The following INSM2 variants were observed in gnomAD, a reference collection of about 807,000 sequenced individuals.
INSM2 encodes insulinoma-associated protein 2.
INSM2 carries 12 observed loss-of-function variants against 30.5 expected under a neutral mutation model. The ratio of observed to expected loss-of-function variants is 0.39; its 90% CI spans 0.25 to 0.64. The LOEUF (loss-of-function observed/expected upper bound fraction) is 0.64, where lower values mean the gene tolerates loss of function less well. Ranked by LOEUF, INSM2 falls within the 30% of genes least tolerant of loss-of-function variation. The pLI, the probability that INSM2 is intolerant of heterozygous loss-of-function variation, is 0.47. For synonymous variants in INSM2, 418 were observed against 383.7 expected (o/e 1.09, Z -1.05); for missense variants, 773 against 819.2 (o/e 0.94, Z 0.69).
chr14:35,535,075 C>T lies in INSM2; in HGVS notation c.823C>T (p.Pro275Ser). 1 of 1,599,910 alleles carries T rather than the reference C, an allele frequency of 6.3e-7. No homozygotes were observed. The highest frequency in any genetic ancestry group is 8.5e-7 in the Non-Finnish European group (1 of 1,172,474). The change falls in exon 1 of 1, where the codon CCC becomes TCC. Residue 275 changes from proline (P) to serine (S), a missense_variant. By Grantham distance (74) the Pro-to-Ser change is moderately conservative (BLOSUM62 -1). Transcript: ENST00000307169. ...CQLCKEQYAD[P>S]FALAQHRCSR... ...GCTGTGCAAGGAGCAGTACGCAGAC[C>T]CCTTCGCGCTGGCCCAGCACCGCTG...
rs937318511 is a variant in INSM2, at chr14:35,536,111, G to C, written c.*158G>C. ...GTAGTCAATGTTCCACCAGAGGAGCGGACAGTGAAATGTAATATCCCTCTC... is the reference window on the plus strand; with the variant it reads ...GTAGTCAATGTTCCACCAGAGGAGCCGACAGTGAAATGTAATATCCCTCTC... On this transcript the variant is annotated 3_prime_UTR_variant, in exon 1 of 1. Transcript: ENST00000307169. 2.3e-5 allele frequency: 20 copies of C among 867,216 alleles called. No individual in the cohort carries two copies. The East Asian group carries it at 5.2e-4, about 23-fold the overall frequency. 53.7% of individuals were successfully genotyped at this position (867,216 alleles called of 1,614,324 possible).
rs368123342 is a variant in INSM2 at position 35,534,249 on chromosome 14, C to T, written c.-4C>T. ...TCTTGTCCCAGAGCGCTCTCGACTC[C>T]ACCATGCCAAGGGGATTCCTGGTGA... On this transcript the variant is annotated 5_prime_UTR_variant, in exon 1 of 1. Coordinates refer to ENST00000307169, the MANE Select transcript of INSM2 (RefSeq NM_032594.4). The T allele has an allele frequency of 1.0e-5, 16 of 1,589,406 alleles. No homozygotes were observed. The African/African-American group carries it at 1.8e-4, about 18-fold the overall frequency.
Position 35,535,695 on chromosome 14 carries a change from A to G in INSM2, c.1443A>G (p.Thr481=), listed in dbSNP as rs758768376. 1.2e-6 allele frequency: 2 copies of G among 1,613,260 alleles called. No individual in the cohort carries two copies. Among genetic ancestry groups the G allele is most frequent in the Admixed American group, 1.7e-5 (1 of 60,036 alleles). Residue 481 remains threonine, a synonymous_variant, in exon 1 of 1, where the codon ACA becomes ACG. Transcript: ENST00000307169. Reference sequence around the variant, plus strand: ...CATTGTGCGGAGCGCACTTCCCTACAGCAGATATCAGGGAGAAGCACCGGC... The same window carrying G: ...CATTGTGCGGAGCGCACTTCCCTACGGCAGATATCAGGGAGAAGCACCGGC... The part of the protein sequence containing the change: ...ACPLCGAHFP[T]ADIREKHRLW...
In INSM2 at chr14:35,534,287, G is replaced by A. The variant is rs2053577261; in HGVS notation, c.35G>A (p.Arg12Gln). 1 of 1,594,974 alleles carries A rather than the reference G, an allele frequency of 6.3e-7. No individual in the cohort carries two copies. Among genetic ancestry groups the A allele is most frequent in the Non-Finnish European group, 8.5e-7 (1 of 1,171,518 alleles). ...GGATTCCTGGTGAAGCGAACTAAACGGACAGGCGGCTTGTACCGAGTTCGC... is the reference window on the plus strand; with the variant it reads ...GGATTCCTGGTGAAGCGAACTAAACAGACAGGCGGCTTGTACCGAGTTCGC... ...PRGFLVKRTK[R>Q]TGGLYRVRLA... Residue 12 changes from arginine to glutamine, a missense_variant, in exon 1 of 1, where the codon CGG becomes CAG. Transcript: ENST00000307169.
Position 35,536,003 on chromosome 14 carries a change from C to G in INSM2, c.*50C>G. ...GAGGTTGGCCTTAGAGGAAACAGAT[C>G]ATGGGAATTTCTGTGGGGCTTTCTT... On this transcript the variant is annotated 3_prime_UTR_variant, in exon 1 of 1. Coordinates refer to ENST00000307169, the MANE Select transcript of INSM2 (RefSeq NM_032594.4). 4 of 1,524,450 alleles carry G rather than the reference C, an allele frequency of 2.6e-6. No individual in the cohort carries two copies. The highest frequency in any genetic ancestry group is 3.5e-6 in the Non-Finnish European group (4 of 1,138,310). 94.4% of individuals were successfully genotyped at this position (1,524,450 alleles called of 1,614,324 possible).
Position 35,535,679 on chromosome 14 carries a change from GAGCGCACTTCCCTACAGC to G in INSM2, c.1430_1447del (p.Ala477_Ala482del). The G allele has an allele frequency of 6.2e-7, 1 of 1,613,292 alleles. No individual in the cohort carries two copies. The highest frequency in any genetic ancestry group is 2.2e-5 in the East Asian group (1 of 44,892). On this transcript the variant is annotated inframe_deletion, in exon 1 of 1. Coordinates refer to ENST00000307169, the MANE Select transcript of INSM2 (RefSeq NM_032594.4). ...CTTGCCTTCGCTTGCCCATTGTGCG[GAGCGCACTTCCCTACAGC>G]AGATATCAGGGAGAAGCACCGGCTG...
In INSM2 at chr14:35,536,149, G is replaced by GTA; in HGVS notation, c.*200_*201dup. 1 of 620,538 alleles carries GTA rather than the reference G, an allele frequency of 1.6e-6. No individual in the cohort carries two copies. The highest frequency in any genetic ancestry group is 2.9e-5 in the East Asian group (1 of 34,478). The allele number at this position is 620,538 out of a possible 1,614,324, so 38.4% of individuals were successfully genotyped here. A position where few individuals can be genotyped will look rare whatever the true frequency, so the allele number is the denominator to read the frequency against. On this transcript the variant is annotated 3_prime_UTR_variant, in exon 1 of 1. Coordinates refer to ENST00000307169, the MANE Select transcript of INSM2 (RefSeq NM_032594.4). The stretch of plus-strand genomic sequence containing the variant: ...TAATATCCCTCTCTAGAGCAGGTAT[G>GTA]TATATGGTATAAACCTTGAGATCAA...
In INSM2 at chr14:35,535,718, G is replaced by A. The variant is rs1394514572; in HGVS notation, c.1466G>A (p.Arg489Gln). ...ACAGCAGATATCAGGGAGAAGCACCGGCTGTGGCATGCTGTCCGCGAGGAG... is the reference window on the plus strand; with the variant it reads ...ACAGCAGATATCAGGGAGAAGCACCAGCTGTGGCATGCTGTCCGCGAGGAG... ...FPTADIREKH[R>Q]LWHAVREELL... Residue 489 changes from arginine to glutamine, a missense_variant, in exon 1 of 1, where the codon CGG (arginine) becomes CAG (glutamine). Arg to Gln is a conservative substitution (Grantham distance 43, BLOSUM62 1). Transcript: ENST00000307169. 1.9e-6 allele frequency: 3 copies of A among 1,613,262 alleles called. No individual in the cohort carries two copies. The highest frequency in any genetic ancestry group is 1.7e-6 in the Non-Finnish European group (2 of 1,180,002).
chr14:35,534,580 C>A lies in INSM2; in HGVS notation c.328C>A (p.Pro110Thr). The A allele has an allele frequency of 7.0e-7, 1 of 1,434,624 alleles. No individual in the cohort carries two copies. Among genetic ancestry groups the A allele is most frequent in the Non-Finnish European group, 9.1e-7 (1 of 1,104,106 alleles). The allele number at this position is 1,434,624 out of a possible 1,614,324, so 88.9% of individuals were successfully genotyped here. The part of the protein sequence containing the change: ...EGPGPSPSPS[P>T]SPAKPAGAEL... ...TCCCGGGCCCAGCCCCAGCCCCAGC[C>A]CCAGTCCAGCGAAGCCGGCAGGCGC... Residue 110 changes from proline (P) to threonine (T), a missense_variant, in exon 1 of 1, where the codon CCC (proline) becomes ACC (threonine). By Grantham distance (38) the Pro-to-Thr change is conservative (BLOSUM62 -1). Transcript: ENST00000307169.
In INSM2 at chr14:35,534,177, T is replaced by G; in HGVS notation, c.-76T>G. On this transcript the variant is annotated 5_prime_UTR_variant, in exon 1 of 1. Transcript: ENST00000307169. The stretch of plus-strand genomic sequence containing the variant: ...CATGACAGCCGCGGCGAAGCTCTTC[T>G]AGTTCATCTGCTGGCCGGCTCTCAG... The G allele has an allele frequency of 6.6e-7, 1 of 1,519,056 alleles. No homozygotes were observed. The highest frequency in any genetic ancestry group is 8.8e-7 in the Non-Finnish European group (1 of 1,141,130). 94.1% of individuals were successfully genotyped at this position (1,519,056 alleles called of 1,614,324 possible).
In INSM2 at chr14:35,536,022, C is replaced by T; in HGVS notation, c.*69C>T. On this transcript the variant is annotated 3_prime_UTR_variant, in exon 1 of 1. Transcript: ENST00000307169. ...ACAGATCATGGGAATTTCTGTGGGG[C>T]TTTCTTCAACTTGCAAGTTTACTTT... is the stretch of plus-strand genomic sequence containing the variant. The T allele has an allele frequency of 6.7e-7, 1 of 1,493,012 alleles. No homozygotes were observed. Among genetic ancestry groups the T allele is most frequent in the Non-Finnish European group, 9.0e-7 (1 of 1,112,538 alleles). 92.5% of individuals were successfully genotyped at this position (1,493,012 alleles called of 1,614,324 possible). A position where few individuals can be genotyped will look rare whatever the true frequency, so the allele number is the denominator to read the frequency against.
At position 35,534,306 on chromosome 14, in the gene INSM2, A is replaced by C; in HGVS notation, c.54A>C (p.Arg18=). 6.3e-7 allele frequency: 1 copy of C among 1,594,658 alleles called. No individual in the cohort carries two copies. The highest frequency in any genetic ancestry group is 1.4e-5 in the African/African-American group (1 of 71,948). ...KRTKRTGGLY[R]VRLAERVFPL... The stretch of plus-strand genomic sequence containing the variant: ...CTAAACGGACAGGCGGCTTGTACCG[A>C]GTTCGCCTTGCGGAGCGTGTCTTCC... The change falls in exon 1 of 1, where the codon CGA becomes CGC. Residue 18 remains arginine (R), a synonymous_variant. Coordinates refer to ENST00000307169, the MANE Select transcript of INSM2 (RefSeq NM_032594.4).
In INSM2 at chr14:35,535,683, G is replaced by C; in HGVS notation, c.1431G>C (p.Ala477=). 5.0e-6 allele frequency: 8 copies of C among 1,613,280 alleles called. No homozygotes were observed. Among genetic ancestry groups the C allele is most frequent in the Non-Finnish European group, 5.9e-6 (7 of 1,180,028 alleles). ...CCTTCGCTTGCCCATTGTGCGGAGC[G>C]CACTTCCCTACAGCAGATATCAGGG... ...PLAFACPLCG[A]HFPTADIREK... The change falls in exon 1 of 1, where the codon GCG becomes GCC. Residue 477 remains alanine (A), a synonymous_variant. Transcript: ENST00000307169.
Position 35,534,721 on chromosome 14 carries a change from G to T in INSM2, c.469G>T (p.Ala157Ser). 1 of 1,391,724 alleles carries T rather than the reference G, an allele frequency of 7.2e-7. No individual in the cohort carries two copies. Among genetic ancestry groups the T allele is most frequent in the Non-Finnish European group, 9.3e-7 (1 of 1,080,450 alleles). The allele number at this position is 1,391,724 out of a possible 1,614,324, so 86.2% of individuals were successfully genotyped here. A position where few individuals can be genotyped will look rare whatever the true frequency, so the allele number is the denominator to read the frequency against. The change falls in exon 1 of 1, where the codon GCA (alanine) becomes TCA (serine). Residue 157 changes from alanine (A) to serine (S), a missense_variant. Physicochemically the swap from Ala to Ser is moderately conservative, Grantham distance 99. Transcript: ENST00000307169. ...AFSCSVAPAA[A>S]PTPGEQFLLP... is the part of the protein sequence containing the mutation. ...CTCCTGCTCCGTGGCGCCAGCAGCC[G>T]CACCGACCCCGGGGGAGCAGTTTCT...
chr14:35,534,267 C>G lies in INSM2; in HGVS notation c.15C>G (p.Phe5Leu), dbSNP rs766044720. 1 of 1,595,330 alleles carries G rather than the reference C, an allele frequency of 6.3e-7. No homozygotes were observed. The highest frequency in any genetic ancestry group is 8.5e-7 in the Non-Finnish European group (1 of 1,171,770). The change falls in exon 1 of 1, where the codon TTC becomes TTG. Residue 5 changes from phenylalanine to leucine, a missense_variant. Phe to Leu is a conservative substitution (Grantham distance 22). Transcript: ENST00000307169. MPRG[F>L]LVKRTKRTGG... Reference sequence around the variant, plus strand: ...TCGACTCCACCATGCCAAGGGGATTCCTGGTGAAGCGAACTAAACGGACAG... The same window carrying G: ...TCGACTCCACCATGCCAAGGGGATTGCTGGTGAAGCGAACTAAACGGACAG...
Position 35,534,325 on chromosome 14 carries a change from G to A in INSM2, c.73G>A (p.Val25Ile), listed in dbSNP as rs1389706449. The stretch of plus-strand genomic sequence containing the variant: ...GTACCGAGTTCGCCTTGCGGAGCGT[G>A]TCTTCCCTCTGCTGGGGCCCCAGGG... ...GLYRVRLAERVFPLLGPQGAP... is the reference protein window; with the variant it reads ...GLYRVRLAERIFPLLGPQGAP... The change falls in exon 1 of 1, where the codon GTC becomes ATC. Residue 25 changes from valine (V) to isoleucine (I), a missense_variant. Transcript: ENST00000307169. 1 of 1,591,508 alleles carries A rather than the reference G, an allele frequency of 6.3e-7. No individual in the cohort carries two copies. Among genetic ancestry groups the A allele is most frequent in the East Asian group, 2.4e-5 (1 of 40,878 alleles).
Position 35,535,074 on chromosome 14 carries a change from C to T in INSM2, c.822C>T (p.Asp274=), listed in dbSNP as rs778483419. 42 of 1,599,760 alleles carry T rather than the reference C, an allele frequency of 2.6e-5. 1 individual carries two copies. The highest frequency in any genetic ancestry group is 3.2e-5 in the Non-Finnish European group (37 of 1,172,524). The part of the protein sequence containing the change: ...ICQLCKEQYA[D]PFALAQHRCS... The stretch of plus-strand genomic sequence containing the variant: ...AGCTGTGCAAGGAGCAGTACGCAGA[C>T]CCCTTCGCGCTGGCCCAGCACCGCT... Residue 274 remains aspartate, a synonymous_variant, in exon 1 of 1, where the codon GAC becomes GAT. Transcript: ENST00000307169.
rs762370809 is a variant in INSM2, at chr14:35,535,310, G to A, written c.1058G>A (p.Gly353Glu). The stretch of plus-strand genomic sequence containing the variant: ...GCCATTGCATCTTTTCTGGCGGAGG[G>A]AAAGGAGAACAGCCGAATAGAGCGG... ...SGAIASFLAE[G>E]KENSRIERTA... Residue 353 changes from glycine to glutamate, a missense_variant, in exon 1 of 1, where the codon GGA (glycine) becomes GAA (glutamate). Coordinates refer to ENST00000307169, the MANE Select transcript of INSM2 (RefSeq NM_032594.4). 3.1e-6 allele frequency: 5 copies of A among 1,612,400 alleles called. No homozygotes were observed. The highest frequency in any genetic ancestry group is 4.2e-6 in the Non-Finnish European group (5 of 1,179,542).
At position 35,534,676 on chromosome 14, in the gene INSM2, G is replaced by A; in HGVS notation, c.424G>A (p.Ala142Thr). ...CTCCGCCGAGTCTTTCCCCGGGGGC[G>A]CCGCCGCCGTGGCCGCTTTCTCCTG... ...PVSAESFPGG[A>T]AAVAAFSCSV... Residue 142 changes from alanine to threonine, a missense_variant, in exon 1 of 1, where the codon GCC (alanine) becomes ACC (threonine). Ala to Thr is a moderately conservative substitution (Grantham distance 58). Transcript: ENST00000307169. 3 of 1,401,052 alleles carry A rather than the reference G, an allele frequency of 2.1e-6. No individual in the cohort carries two copies. Among genetic ancestry groups the A allele is most frequent in the Non-Finnish European group, 1.8e-6 (2 of 1,088,492 alleles). 86.8% of individuals were successfully genotyped at this position (1,401,052 alleles called of 1,614,324 possible). A position where few individuals can be genotyped will look rare whatever the true frequency, so the allele number is the denominator to read the frequency against.
Sources: gnomAD v4.1 joint callset for allele counts on GRCh38, gnomAD v4.1.1 for gene constraint, MANE v1.5 for transcripts, NCBI Gene and HGNC (gene_info 2026-07-23, HGNC 2026-07-21) for gene names.